Variants in TSHR observed in about 807,000 individuals in gnomAD.
TSHR encodes thyrotropin receptor.
In TSHR, 51 loss-of-function variants were observed where a neutral mutation model predicts 64.1. The ratio of observed to expected loss-of-function variants is 0.80; its 90% confidence interval spans 0.64 to 1.01. The LOEUF (loss-of-function observed/expected upper bound fraction) is 1.01. TSHR is among the 50% of genes least tolerant of loss of function. TSHR has a pLI of 0.00. For missense variants in TSHR, 877 were observed against 942.8 expected, an observed-to-expected ratio of 0.93 and a Z score of 0.91; for synonymous variants, 361 against 361.9, an observed-to-expected ratio of 1.00 and a Z score of 0.03.
chr14:80,989,267 C>T (rs953698385), intron 1 of TSHR, among the ~76,000 whole-genome samples: 4 of 152,172 alleles, frequency 2.6e-5, no homozygotes, highest in Admixed American at 1.3e-4. Flanking sequence ...GCCCACTGCT[C>T]ATAAGCCCCT....
chr14:81,010,280 C>A (rs1465426001), intron 1 of TSHR, among the ~76,000 whole-genome samples: 3 of 151,982 alleles, frequency 2.0e-5, no homozygotes, highest in East Asian at 3.8e-4. Flanking sequence ...TTTAATTTAA[C>A]TTTTTAAATA....
chr14:81,140,685 T>A (rs1891646289), intron 9 of TSHR, among the ~76,000 whole-genome samples: 1 of 152,224 alleles, frequency 6.6e-6, no homozygotes, highest in African/African-American at 2.4e-5. Context: ...TCTCCTGTTC[T>A]CCTAATCCAC....
intron 6 of TSHR, among the ~76,000 whole-genome samples, chr14:81,094,866 T>C (rs1402136552): frequency 1.3e-5 from 2 of 151,944 alleles, no homozygotes; most frequent in African/African-American, 4.8e-5. Flanking sequence ...TTGTTAAATA[T>C]ATAGTTATTT....
chr14:81,030,013 C>T (rs559951046), intron 1 of TSHR, among the ~76,000 whole-genome samples: 56 of 152,184 alleles, frequency 3.7e-4, no homozygotes, highest in African/African-American at 1.3e-3. Context: ...CCTCTTTTGC[C>T]GTAACTACCA....
chr14:81,143,555 C>G lies in TSHR; in HGVS notation c.1497C>G (p.Phe499Leu). 6.2e-7 allele frequency: 1 copy of G among 1,613,262 alleles called. No individual in the cohort carries two copies. Residue 499 changes from phenylalanine (F) to leucine (L), a missense_variant, in exon 10 of 10, where the codon TTC (phenylalanine) becomes TTG (leucine). By Grantham distance (22) the Phe-to-Leu change is conservative (BLOSUM62 0). Transcript: ENST00000298171. ...GCCCTGGGTGCAACACGGCTGGTTT[C>G]TTCACTGTCTTTGCAAGCGAGTTAT... ...QTGPGCNTAG[F>L]FTVFASELSV... is the part of the protein sequence containing the mutation.
In TSHR at chr14:81,017,147, C is replaced by T. The variant is rs77912455; in HGVS notation, c.171-45001C>T. Reference sequence around the variant, plus strand: ...GACCTTGAGCAGTAAGATATAATAACTCCCATGCTTAGCGTTCCAATAATG... The same window carrying T: ...GACCTTGAGCAGTAAGATATAATAATTCCCATGCTTAGCGTTCCAATAATG... On this transcript the variant is annotated intron_variant, in intron 1 of 9. Coordinates refer to ENST00000298171, the MANE Select transcript of TSHR (RefSeq NM_000369.5). Among the ~76,000 whole-genome samples, 403 of 152,362 alleles carry T rather than the reference C, an allele frequency of 2.6e-3. 12 individuals carry two copies. In the East Asian group the frequency reaches 0.067, roughly 25 times the overall value.
At chr14:81,056,852 A>G (rs1402277313) in intron 1 of TSHR, among the ~76,000 whole-genome samples, 1 of 152,192 alleles carries the variant, frequency 6.6e-6, no homozygotes, top group East Asian at 1.9e-4. Flanking sequence ...ATATCACCTG[A>G]TATTTTTGTA....
intron 1 of TSHR, among the ~76,000 whole-genome samples, chr14:80,969,218 A>C (rs1034947348): frequency 6.6e-6 from 1 of 152,178 alleles, no homozygotes; most frequent in Non-Finnish European, 1.5e-5. Flanking sequence ...CCATTCTCGT[A>C]GGCAGTCTGG....
chr14:81,123,023 A>G (rs1194997692), intron 8 of TSHR, among the ~76,000 whole-genome samples: 1 of 152,086 alleles, frequency 6.6e-6, no homozygotes, highest in Non-Finnish European at 1.5e-5. Flanking sequence ...GCTACTCGGG[A>G]GGTTGAGGCA....
intron 1 of TSHR, among the ~76,000 whole-genome samples, chr14:80,967,491 G>T (rs924038226): frequency 6.6e-6 from 1 of 151,898 alleles, no homozygotes; most frequent in Non-Finnish European, 1.5e-5. Context: ...CACCATGTTG[G>T]TCAGGCTGAT....
chr14:80,967,368 C>G (rs1887376906), intron 1 of TSHR, among the ~76,000 whole-genome samples: 2 of 149,582 alleles, frequency 1.3e-5, no homozygotes, highest in Admixed American at 1.3e-4. Context: ...TCTCTGCAAC[C>G]TGCACCTCCG....
intron 1 of TSHR, among the ~76,000 whole-genome samples, chr14:81,037,448 A>AAAAAAAAAAAAAAAAAAAAAAAC (rs1273226258): frequency 1.6e-5 from 2 of 128,448 alleles, no homozygotes; most frequent in Non-Finnish European, 3.7e-5. Flanking sequence ...AACAAACAAA[A>AAAAAAAAAAAAAAAAAAAAAAAC]AACAGAAAAT....
At chr14:80,961,274 C>T (rs1184254348) in intron 1 of TSHR, among the ~76,000 whole-genome samples, 1 of 103,384 alleles carries the variant, frequency 9.7e-6, no homozygotes, top group African/African-American at 3.3e-5. Context: ...ACGTCCCTGT[C>T]TGCAGGGATC....
At chr14:80,993,942 T>C (rs1888872762) in intron 1 of TSHR, 1 of 152,164 alleles carries the variant, frequency 6.6e-6, no homozygotes, top group East Asian at 1.9e-4. Context: ...ATGAGGATTT[T>C]TTTTCAATAA....
chr14:80,982,870 A>G, intron 1 of TSHR: 1 of 504,982 alleles, frequency 2.0e-6, no homozygotes. Flanking sequence ...AGATGAGATT[A>G]GACACCAAAT....
chr14:81,124,897 G>C (rs1283428869), intron 8 of TSHR, among the ~76,000 whole-genome samples: 1 of 151,660 alleles, frequency 6.6e-6, no homozygotes, highest in Non-Finnish European at 1.5e-5. Context: ...TTATTCAATT[G>C]TGTTCCAGGA....
chr14:81,007,198 G>A (rs1013958246), intron 1 of TSHR, among the ~76,000 whole-genome samples: 1 of 152,216 alleles, frequency 6.6e-6, no homozygotes, highest in Non-Finnish European at 1.5e-5. Context: ...CCTATAAGAA[G>A]AGGAAGAGAA....
chr14:80,998,648 C>G (rs1329078595), intron 1 of TSHR, among the ~76,000 whole-genome samples: 2 of 151,898 alleles, frequency 1.3e-5, no homozygotes, highest in African/African-American at 4.8e-5. Flanking sequence ...GGCTGTCTCT[C>G]TAAAGCCAAT....
intron 1 of TSHR, among the ~76,000 whole-genome samples, chr14:81,044,657 C>CA (rs147382752): frequency 0.078 from 8,830 of 113,322 alleles, 829 homozygotes; most frequent in African/African-American, 0.26. Context: ...GACTCTGTCT[C>CA]AAAAAAAAAA....
Sources: allele counts gnomAD v4.1 joint callset (sites outside exome capture counted in the v4.1 genomes callset), GRCh38; gene constraint gnomAD v4.1.1; transcripts MANE v1.5; gene names NCBI Gene and HGNC (gene_info 2026-07-23, HGNC 2026-07-21).